Variants in SUCO observed in about 807,000 individuals in gnomAD.
SUCO encodes the protein SUN domain-containing ossification factor.
A neutral mutation model predicts 148.1 loss-of-function variants in SUCO; 57 were observed. The ratio of observed to expected loss-of-function variants is 0.38; its 90% CI spans 0.31 to 0.48. SUCO has a LOEUF of 0.48. Ranked by LOEUF, SUCO falls within the 20% of genes least tolerant of loss-of-function variation. The pLI is 0.96. For missense variants in SUCO, 1,331 were observed against 1,468.2 expected (o/e 0.91, Z 1.53); for synonymous variants, 470 against 502.7 (o/e 0.93, Z 0.87).
In SUCO at chr1:172,589,045, C is replaced by T. The variant is rs748853317; in HGVS notation, c.1944C>T (p.Ser648=). The T allele has an allele frequency of 6.2e-7, 1 of 1,613,594 alleles. No homozygotes were observed. The highest frequency in any genetic ancestry group is 8.5e-7 in the Non-Finnish European group (1 of 1,179,792). ...SVRVALYRQR[S]RTALSKGKDY... is the part of the protein sequence containing the mutation. ...GAGTTGCTCTTTATCGGCAGCGCAG[C>T]CGAACTGCTTTGAGTAAAGGAAAAG... Residue 648 remains serine, a synonymous_variant, in exon 18 of 24, where the codon AGC becomes AGT. Coordinates refer to ENST00000263688, the MANE Select transcript of SUCO (RefSeq NM_014283.5).
chr1:172,586,036 G>T, intron 17 of SUCO, 88 bp downstream of exon 17: 1 of 831,404 alleles, frequency 1.2e-6, no homozygotes, highest in Non-Finnish European at 1.9e-6. Context: ...TGATTTGTGT[G>T]TGAAATGATT....
At chr1:172,532,902 A>G, upstream of SUCO, 1 of 1,427,640 alleles carries the variant, frequency 7.0e-7, no homozygotes, top group Non-Finnish European at 9.3e-7. Context: ...GAGCGGCGAG[A>G]GCATCTGCTC....
chr1:172,568,574 A>T, intron 6 of SUCO: 1 of 355,530 alleles, frequency 2.8e-6, no homozygotes, highest in Non-Finnish European at 3.9e-6. Context: ...TTGCCTTAAA[A>T]TTTTTGTGTA....
At position 172,533,454 on chromosome 1, in the gene SUCO, G is replaced by T; in HGVS notation, c.19G>T (p.Ala7Ser). The T allele has an allele frequency of 3.2e-6, 5 of 1,565,632 alleles. No homozygotes were observed. Among genetic ancestry groups the T allele is most frequent in the Admixed American group, 1.9e-5 (1 of 52,850 alleles). Residue 7 changes from alanine to serine, a missense_variant, in exon 1 of 24, where the codon GCC becomes TCC. Coordinates refer to ENST00000263688, the MANE Select transcript of SUCO (RefSeq NM_014283.5). MKKHRR[A>S]LALVSCLFLC... is the part of the protein sequence containing the mutation. Reference sequence around the variant, plus strand: ...GGAGAAGATGAAGAAGCACCGGCGGGCCTTGGCCCTGGTCTCCTGCCTCTT... The same window carrying T: ...GGAGAAGATGAAGAAGCACCGGCGGTCCTTGGCCCTGGTCTCCTGCCTCTT...
At chr1:172,568,680 G>A (rs1654730982) in intron 6 of SUCO, among the ~76,000 whole-genome samples, 1 of 152,036 alleles carries the variant, frequency 6.6e-6, no homozygotes, top group South Asian at 2.1e-4. Context: ...ATATTTTAAG[G>A]TGGATGCATG....
At chr1:172,607,683 C>T (rs1044197613) in intron 22 of SUCO, among the ~76,000 whole-genome samples, 4 of 151,624 alleles carry the variant, frequency 2.6e-5, no homozygotes, top group Non-Finnish European at 5.9e-5. Flanking sequence ...AAAAAACAAA[C>T]TATCATTACT....
Position 172,609,834 on chromosome 1 carries a change from A to G in SUCO, c.3340A>G (p.Lys1114Glu), listed in dbSNP as rs1378649307. 2 of 1,596,190 alleles carry G rather than the reference A, an allele frequency of 1.3e-6. No individual in the cohort carries two copies. The highest frequency in any genetic ancestry group is 1.4e-5 in the African/African-American group (1 of 73,482). The change falls in exon 24 of 24, where the codon AAA becomes GAA. Residue 1114 changes from lysine to glutamate, a missense_variant. Lys to Glu is a moderately conservative substitution (Grantham distance 56). This residue lies in a region of SUCO where 334 missense variants were observed against 352.3 expected (regional missense o/e 0.95). Transcript: ENST00000263688. ...GTTGTAGAAGAAGCGCTGCAAGTAC[A>G]AAATTGAAAAAATTGAGACCATAAA... ...PEKKKKRCKY[K>E]IEKIETIKPE...
intron 1 of SUCO, among the ~76,000 whole-genome samples, chr1:172,534,306 C>T (rs1383235163): frequency 6.6e-6 from 1 of 152,182 alleles, no homozygotes; most frequent in African/African-American, 2.4e-5. Context: ...CTTGGAAAAG[C>T]CATTCTTTCC....
intron 6 of SUCO, among the ~76,000 whole-genome samples, chr1:172,559,053 A>C (rs920322681): frequency 6.6e-6 from 1 of 152,218 alleles, no homozygotes; most frequent in African/African-American, 2.4e-5. Context: ...AGTTTTATGT[A>C]GTATCTACTT....
chr1:172,588,333 C>A, intron 17 of SUCO: 1 of 985,216 alleles, frequency 1.0e-6, no homozygotes, highest in Non-Finnish European at 1.2e-6. Flanking sequence ...TAGCTCTGGA[C>A]CTTATTTAAG....
In SUCO at chr1:172,590,967, C is replaced by CA; in HGVS notation, c.2826-15dup. On this transcript the variant is annotated splice_polypyrimidine_tract_variant and intron_variant, in intron 18 of 23. Coordinates refer to ENST00000263688, the MANE Select transcript of SUCO (RefSeq NM_014283.5). ...GTAAGAAATTAAAGCTGATTTAGACCAATTCTTACTTCATAGGTACCGAAA... is the reference window on the plus strand; with the variant it reads ...GTAAGAAATTAAAGCTGATTTAGACCAAATTCTTACTTCATAGGTACCGAAA... 1 of 1,575,864 alleles carries CA rather than the reference C, an allele frequency of 6.3e-7. No individual in the cohort carries two copies. Among genetic ancestry groups the CA allele is most frequent in the Admixed American group, 1.7e-5 (1 of 58,256 alleles).
At chr1:172,596,112 A>G (rs1055902037) in intron 19 of SUCO, among the ~76,000 whole-genome samples, 1 of 152,162 alleles carries the variant, frequency 6.6e-6, no homozygotes, top group South Asian at 2.1e-4. Flanking sequence ...TTCTCGTGCC[A>G]TGGTTTTCAG....
intron 1 of SUCO, among the ~76,000 whole-genome samples, chr1:172,550,063 C>T (rs922987309): frequency 8.6e-5 from 13 of 151,920 alleles, no homozygotes; most frequent in African/African-American, 3.1e-4. Context: ...TTGTTTACAG[C>T]TATCTTCCTG....
chr1:172,590,351 C>T (rs1656562116), intron 18 of SUCO: 8 of 985,070 alleles, frequency 8.1e-6, no homozygotes, highest in Non-Finnish European at 9.6e-6. Context: ...ATGGACTGAA[C>T]TGGATGATTG....
intron 9 of SUCO, among the ~76,000 whole-genome samples, chr1:172,572,443 G>C (rs940824268): frequency 6.6e-6 from 1 of 151,826 alleles, no homozygotes; most frequent in African/African-American, 2.4e-5. Flanking sequence ...GTCCACTCAG[G>C]GTTAAATGGA....
At chr1:172,572,927 C>T (rs1218039780) in intron 9 of SUCO, among the ~76,000 whole-genome samples, 2 of 151,946 alleles carry the variant, frequency 1.3e-5, no homozygotes, top group African/African-American at 4.8e-5. Flanking sequence ...ATGCTATATG[C>T]AGTTTTATAT....
In SUCO at chr1:172,602,073, C is replaced by G. The variant is rs756139417; in HGVS notation, c.3028C>G (p.Arg1010Gly). 3 of 1,607,142 alleles carry G rather than the reference C, an allele frequency of 1.9e-6. No homozygotes were observed. The East Asian group carries it at 6.7e-5, about 36-fold the overall frequency. Residue 1010 changes from arginine to glycine, a missense_variant, in exon 21 of 24, where the codon CGA (arginine) becomes GGA (glycine). Around this residue, in one of 3 missense-constraint regions of SUCO, gnomAD observed 334 missense variants for 352.3 expected, o/e 0.95. Coordinates refer to ENST00000263688, the MANE Select transcript of SUCO (RefSeq NM_014283.5). The stretch of plus-strand genomic sequence containing the variant: ...CCTCTTCTCATCTCAGGTTTCAGAT[C>G]GACAAAGCTATCTTGTCATATCTTT... ...VAELKREVSD[R>G]QSYLVISLVL...
chr1:172,601,961 TAA>T, intron 20 of SUCO, 101 bp from the exon 21 acceptor site: 1 of 1,223,342 alleles, frequency 8.2e-7, no homozygotes, highest in Non-Finnish European at 1.1e-6. Flanking sequence ...TGAAGCACAT[TAA>T]AAAAATACTT....
chr1:172,583,900 A>G (rs1558199602), intron 15 of SUCO, among the ~76,000 whole-genome samples: 1 of 152,240 alleles, frequency 6.6e-6, no homozygotes, highest in African/African-American at 2.4e-5. Context: ...ATGTATAAAT[A>G]TATCTATGTA....
Sources: allele counts gnomAD v4.1 joint callset (sites outside exome capture counted in the v4.1 genomes callset), GRCh38; gene constraint gnomAD v4.1.1; regional missense constraint gnomAD v4.1.1; transcripts MANE v1.5; gene names NCBI Gene and HGNC (gene_info 2026-07-23, HGNC 2026-07-21).